The following STARD13 variants were observed in gnomAD, a reference collection of about 807,000 sequenced individuals.
STARD13 encodes StAR related lipid transfer domain containing 13, also known as stAR-related lipid transfer protein 13.
A neutral mutation model predicts 106.4 loss-of-function variants in STARD13; 62 were observed. The observed-to-expected ratio is 0.58, with a 90% CI of 0.48 to 0.72. The LOEUF (loss-of-function observed/expected upper bound fraction) is 0.72, where lower values mean the gene tolerates loss of function less well. STARD13 is among the 30% of genes least tolerant of loss of function. STARD13 has a pLI of 0.00. For synonymous variants in STARD13, 565 were observed against 553.0 expected, an observed-to-expected ratio of 1.02 and a Z score of -0.31; for missense variants, 1,387 against 1,424.0, an observed-to-expected ratio of 0.97 and a Z score of 0.42.
At position 33,103,520 on chromosome 13, in the gene STARD13, T is replaced by C. The variant is rs1021949094; in HGVS notation, c.*2073A>G. On this transcript the variant is annotated 3_prime_UTR_variant, in exon 14 of 14. Transcript: ENST00000336934. ...TATTCTGTTTTAGGGATCTTCTAGGTCCTCGTTTCTGAGTGTGGTTTTAGG... is the reference window on the plus strand; with the variant it reads ...TATTCTGTTTTAGGGATCTTCTAGGCCCTCGTTTCTGAGTGTGGTTTTAGG... The C allele has an allele frequency of 6.5e-6, 1 of 152,684 alleles. No homozygotes were observed. 9.5% of individuals were successfully genotyped at this position (152,684 alleles called of 1,614,324 possible).
intron 1 of STARD13, among the ~76,000 whole-genome samples, chr13:33,172,410 T>C (rs1333270060): frequency 6.7e-6 from 1 of 149,858 alleles, no homozygotes; most frequent in Non-Finnish European, 1.5e-5. Context: ...GCTGGAAGTC[T>C]ATGGGAGTTA....
intron 1 of STARD13, among the ~76,000 whole-genome samples, chr13:33,311,001 C>T (rs1893111422): frequency 6.6e-6 from 1 of 151,768 alleles, no homozygotes; most frequent in African/African-American, 2.4e-5. Flanking sequence ...AGTAAAAATA[C>T]AGTATAAAAG....
At chr13:33,584,958 C>T in the STARD13 span, among the ~76,000 whole-genome samples, 3 of 152,084 alleles carry the variant, frequency 2.0e-5, no homozygotes, top group Non-Finnish European at 4.4e-5. Flanking sequence ...TCCCCAGAAG[C>T]CAAGCAGATG....
intron 1 of STARD13, among the ~76,000 whole-genome samples, chr13:33,207,574 T>C (rs2138123749): frequency 6.6e-6 from 1 of 152,298 alleles, no homozygotes; most frequent in South Asian, 2.1e-4. Context: ...AACTGAAAAG[T>C]AACACGAGAG....
the STARD13 span, among the ~76,000 whole-genome samples, chr13:33,384,874 T>C: frequency 6.6e-6 from 1 of 152,006 alleles, no homozygotes; most frequent in Non-Finnish European, 1.5e-5. Context: ...GGTGGTAAAC[T>C]AGCAGAGAGC....
chr13:33,301,465 C>T (rs1892704378), intron 1 of STARD13, among the ~76,000 whole-genome samples: 1 of 152,016 alleles, frequency 6.6e-6, no homozygotes, highest in Admixed American at 6.6e-5. Context: ...ATAGAGGGGG[C>T]TAACGTATGA....
At chr13:33,185,296 C>T (rs150522508) in intron 1 of STARD13, among the ~76,000 whole-genome samples, 471 of 152,328 alleles carry the variant, frequency 3.1e-3, no homozygotes, top group African/African-American at 0.011. Flanking sequence ...TGCTCAGCAA[C>T]ACGAAGTGCT....
intron 1 of STARD13, among the ~76,000 whole-genome samples, chr13:33,333,283 G>A (rs1287531659): frequency 1.3e-5 from 2 of 152,114 alleles, no homozygotes; most frequent in Non-Finnish European, 2.9e-5. Flanking sequence ...AGCTACTCAG[G>A]AGGCTGAGGC....
chr13:33,461,581 T>A, the STARD13 span, among the ~76,000 whole-genome samples: 1 of 152,248 alleles, frequency 6.6e-6, no homozygotes, highest in Non-Finnish European at 1.5e-5. Flanking sequence ...TATTTTTGCC[T>A]GCTAGGAATC....
chr13:33,505,287 T>G, the STARD13 span, among the ~76,000 whole-genome samples: 1 of 152,156 alleles, frequency 6.6e-6, no homozygotes, highest in Admixed American at 6.6e-5. Context: ...GAAGATTCAT[T>G]AGTTGGTAAT....
chr13:33,668,622 C>G, the STARD13 span, among the ~76,000 whole-genome samples: 1 of 152,150 alleles, frequency 6.6e-6, no homozygotes. Context: ...CAGATGGAGA[C>G]TAAAGAGAAC....
the STARD13 span, among the ~76,000 whole-genome samples, chr13:33,675,084 C>T: frequency 5.9e-5 from 9 of 152,210 alleles, no homozygotes; most frequent in African/African-American, 2.2e-4. Flanking sequence ...GGAACCTTCA[C>T]CTTTCGGCTA....
At chr13:33,263,685 T>C (rs1890754657) in intron 1 of STARD13, among the ~76,000 whole-genome samples, 1 of 152,116 alleles carries the variant, frequency 6.6e-6, no homozygotes, top group Admixed American at 6.5e-5. Context: ...CTGGCATACA[T>C]GGAATGTCAC....
chr13:33,194,801 A>G (rs1192256518), intron 1 of STARD13, among the ~76,000 whole-genome samples: 2 of 152,176 alleles, frequency 1.3e-5, no homozygotes, highest in African/African-American at 4.8e-5. Context: ...TTTTTTTGAA[A>G]GGAGATTATA....
At chr13:33,575,311 A>G in the STARD13 span, among the ~76,000 whole-genome samples, 6 of 152,208 alleles carry the variant, frequency 3.9e-5, no homozygotes, top group African/African-American at 1.4e-4. Flanking sequence ...ATAATTGTCT[A>G]AAATATAATT....
intron 1 of STARD13, chr13:33,349,327 T>G (rs1191812844): frequency 1.5e-6 from 1 of 689,328 alleles, no homozygotes; most frequent in Non-Finnish European, 2.6e-6. Flanking sequence ...GCAGCCAACA[T>G]GTTGGTGAAT....
chr13:33,449,160 A>G, the STARD13 span, among the ~76,000 whole-genome samples: 3 of 151,528 alleles, frequency 2.0e-5, no homozygotes, highest in African/African-American at 7.3e-5. Flanking sequence ...TTTTTATCCA[A>G]AAAAATCCTG....
At chr13:33,499,604 T>TTCTTCTTCTTCTTCTTTC in the STARD13 span, among the ~76,000 whole-genome samples, 1 of 39,898 alleles carries the variant, frequency 2.5e-5, no homozygotes, top group Non-Finnish European at 4.9e-5. Context: ...CTTCTTCTTC[T>TTCTTCTTCTTCTTCTTTC]TTCTTCTTCT....
At chr13:33,221,789 A>G (rs182482293) in intron 1 of STARD13, among the ~76,000 whole-genome samples, 63 of 152,360 alleles carry the variant, frequency 4.1e-4, no homozygotes, top group African/African-American at 1.5e-3. Flanking sequence ...CAACCCAAGT[A>G]CCCATCAGAT....
Sources: allele counts gnomAD v4.1 joint callset (sites outside exome capture counted in the v4.1 genomes callset), GRCh38; gene constraint gnomAD v4.1.1; transcripts MANE v1.5; gene names NCBI Gene and HGNC (gene_info 2026-07-23, HGNC 2026-07-21).